Variants in ASIC2 observed in about 807,000 individuals in gnomAD.
ASIC2 encodes acid-sensing ion channel 2.
In ASIC2, 25 loss-of-function variants were observed where a neutral mutation model predicts 57.3. The observed-to-expected ratio is 0.44, with a 90% CI of 0.32 to 0.61. The LOEUF is 0.61. Among genes scored for constraint, ASIC2 ranks in the 20% least tolerant of loss-of-function variants. The pLI is 0.06. For missense variants in ASIC2, 641 were observed against 738.1 expected (o/e 0.87, Z 1.52); for synonymous variants, 319 against 307.5 (o/e 1.04, Z -0.39).
intron 1 of ASIC2, among the ~76,000 whole-genome samples, chr17:33,631,553 C>A (rs1906168926): frequency 6.6e-6 from 1 of 152,060 alleles, no homozygotes; most frequent in Admixed American, 6.6e-5. Flanking sequence ...AGAATAGTAT[C>A]CACTGCAAAA....
rs1912955000 is a variant in ASIC2, at chr17:33,827,337, C to CTTTTTTTTGTTTTTTTTTTTTTTTTTTT, written c.555+328640_555+328641insAAAAAAAAAAAAAAAAAAACAAAAAAAA. On this transcript the variant is annotated intron_variant, in intron 1 of 9. Transcript: ENST00000359872. ...GGACTAGGTCCTGTTGCAGCTCACT[C>CTTTTTTTTGTTTTTTTTTTTTTTTTTTT]TTTTTTTTTTTTGAGACAGAGTCTT... Among the ~76,000 whole-genome samples the CTTTTTTTTGTTTTTTTTTTTTTTTTTTT allele has an allele frequency of 3.9e-5, 3 of 76,536 alleles. 1 individual carries two copies. Among genetic ancestry groups the CTTTTTTTTGTTTTTTTTTTTTTTTTTTT allele is most frequent in the Admixed American group, 3.0e-4 (2 of 6,610 alleles). The allele number at this position is 76,536 out of a possible 152,430, so 50.2% of individuals were successfully genotyped here. A position where few individuals can be genotyped will look rare whatever the true frequency, so the allele number is the denominator to read the frequency against.
intron 1 of ASIC2, among the ~76,000 whole-genome samples, chr17:33,870,224 G>GTTTTTT (rs869267956): frequency 1.0e-3 from 50 of 50,126 alleles, no homozygotes; most frequent in Non-Finnish European, 1.3e-3. Context: ...GAGAAATTCT[G>GTTTTTT]TTTTTTTTTT....
At chr17:33,204,359 G>T (rs1371654681) in intron 1 of ASIC2, among the ~76,000 whole-genome samples, 1 of 152,212 alleles carries the variant, frequency 6.6e-6, no homozygotes, top group Non-Finnish European at 1.5e-5. Flanking sequence ...CAGCCTGGCA[G>T]AGTATGAGGA....
intron 1 of ASIC2, among the ~76,000 whole-genome samples, chr17:33,877,132 A>G (rs1914565876): frequency 6.6e-6 from 1 of 152,096 alleles, no homozygotes; most frequent in African/African-American, 2.4e-5. Context: ...TAAAAGTCTG[A>G]TGAGGTGGTG....
In ASIC2 at chr17:33,948,043, A is replaced by T. The variant is rs9895900; in HGVS notation, c.555+207935T>A. ...AAGATATTGGCAGCCCCTTGACTGA[A>T]TCTTGAAGCCTGTAAGTGGCAGAAT... On this transcript the variant is annotated intron_variant, in intron 1 of 9. Coordinates refer to the ASIC2 transcript ENST00000359872. 8.5e-3 allele frequency among the ~76,000 whole-genome samples: 1,288 copies of T among 152,264 alleles called. 29 individuals carry two copies. The highest frequency in any genetic ancestry group is 0.029 in the African/African-American group (1,196 of 41,536).
At chr17:33,990,698 G>A (rs1023763850) in intron 1 of ASIC2, among the ~76,000 whole-genome samples, 2 of 152,110 alleles carry the variant, frequency 1.3e-5, no homozygotes, top group African/African-American at 4.8e-5. Context: ...TGGAGGGATG[G>A]ACATATAGAA....
At chr17:33,975,230 G>A (rs1223810920) in intron 1 of ASIC2, among the ~76,000 whole-genome samples, 2 of 152,184 alleles carry the variant, frequency 1.3e-5, no homozygotes, top group Non-Finnish European at 2.9e-5. Context: ...TCCCCAGGAT[G>A]GAAGCCCCTT....
chr17:33,518,465 G>A (rs1914639416), intron 1 of ASIC2, among the ~76,000 whole-genome samples: 1 of 152,138 alleles, frequency 6.6e-6, no homozygotes, highest in Non-Finnish European at 1.5e-5. Context: ...AGTGGGCTGG[G>A]GCACCATGAG....
intron 1 of ASIC2, among the ~76,000 whole-genome samples, chr17:33,716,214 A>G (rs1156514875): frequency 6.6e-6 from 1 of 152,188 alleles, no homozygotes; most frequent in Admixed American, 6.5e-5. Flanking sequence ...CATCTCCATA[A>G]TAGCCAGAGT....
chr17:33,659,869 CTCAAATAA>C (rs1421918714), intron 1 of ASIC2, among the ~76,000 whole-genome samples: 1 of 113,010 alleles, frequency 8.8e-6, no homozygotes, highest in African/African-American at 3.3e-5. Flanking sequence ...GAGACTCTGT[CTCAAATAA>C]ATAAATAAAT....
chr17:33,596,350 G>A (rs1233402694), intron 1 of ASIC2, among the ~76,000 whole-genome samples: 1 of 152,150 alleles, frequency 6.6e-6, no homozygotes, highest in East Asian at 1.9e-4. Context: ...GGAAAATGAT[G>A]GTAGAGAATT....
chr17:33,032,758 T>G (rs1402994456), intron 3 of ASIC2, among the ~76,000 whole-genome samples: 1 of 152,218 alleles, frequency 6.6e-6, no homozygotes, highest in East Asian at 1.9e-4. Context: ...ACACTGTTAA[T>G]ATTATTTTTG....
intron 1 of ASIC2, among the ~76,000 whole-genome samples, chr17:33,223,773 G>C (rs910580727): frequency 1.2e-4 from 18 of 152,326 alleles, no homozygotes; most frequent in African/African-American, 3.8e-4. Context: ...AGAGAAGACG[G>C]ACAGTGCGAG....
chr17:33,242,242 G>C (rs1021650609), intron 1 of ASIC2, among the ~76,000 whole-genome samples: 24 of 151,856 alleles, frequency 1.6e-4, no homozygotes, highest in Non-Finnish European at 3.4e-4. Flanking sequence ...GCATGAACCT[G>C]GGAGGCGGAG....
chr17:33,386,809 C>T (rs770344010), intron 1 of ASIC2, among the ~76,000 whole-genome samples: 35 of 152,276 alleles, frequency 2.3e-4, no homozygotes, highest in Non-Finnish European at 4.1e-4. Context: ...AGACTTCCTG[C>T]GTGTCTTTTA....
At chr17:34,056,467 C>T (rs1224589103) in intron 1 of ASIC2, among the ~76,000 whole-genome samples, 1 of 152,114 alleles carries the variant, frequency 6.6e-6, no homozygotes, top group Non-Finnish European at 1.5e-5. Context: ...ATTCTGAGAC[C>T]ACATTCTGGG....
intron 1 of ASIC2, among the ~76,000 whole-genome samples, chr17:33,719,356 G>T (rs961441835): frequency 6.6e-6 from 1 of 152,180 alleles, no homozygotes; most frequent in Non-Finnish European, 1.5e-5. Flanking sequence ...CTGATTCAGC[G>T]CTGCCCTGCA....
At chr17:34,051,342 G>A (rs910022121) in intron 1 of ASIC2, among the ~76,000 whole-genome samples, 3 of 152,108 alleles carry the variant, frequency 2.0e-5, no homozygotes, top group East Asian at 1.9e-4. Context: ...ATCTGTTCTC[G>A]GAACACTTGG....
At chr17:33,133,425 A>G (rs1360088724) in intron 1 of ASIC2, among the ~76,000 whole-genome samples, 1 of 152,108 alleles carries the variant, frequency 6.6e-6, no homozygotes, top group Non-Finnish European at 1.5e-5. Context: ...ATTATGGGGA[A>G]CTGAAGGCTG....
Sources: gnomAD v4.1 joint callset for allele counts (sites outside exome capture counted in the v4.1 genomes callset) on GRCh38, gnomAD v4.1.1 for gene constraint, MANE v1.5 for transcripts, NCBI Gene and HGNC (gene_info 2026-07-23, HGNC 2026-07-21) for gene names.